The following USP34 variants were observed in gnomAD, a reference collection of about 807,000 sequenced individuals.
USP34 encodes the protein ubiquitin carboxyl-terminal hydrolase 34.
In USP34, 70 loss-of-function variants were observed where a neutral mutation model predicts 460.3. The ratio of observed to expected loss-of-function variants is 0.15; its 90% CI spans 0.13 to 0.19. The LOEUF is 0.19. Among genes scored for constraint, USP34 ranks in the 10% least tolerant of loss-of-function variants. The pLI, the probability that USP34 is intolerant of heterozygous loss-of-function variation, is 1.00. For missense variants in USP34, 3,985 were observed against 4,236.2 expected (o/e 0.94, Z 1.65); for synonymous variants, 1,647 against 1,405.3 (o/e 1.17, Z -3.85).
At chr2:61,232,209 A>C (rs1487750556) in intron 58 of USP34, among the ~76,000 whole-genome samples, 1 of 152,186 alleles carries the variant, frequency 6.6e-6, no homozygotes, top group Non-Finnish European at 1.5e-5. Flanking sequence ...AAAGAACAGG[A>C]AATTACAGTC....
chr2:61,450,484 T>C (rs1695238924), intron 1 of USP34, among the ~76,000 whole-genome samples: 8 of 152,074 alleles, frequency 5.3e-5, no homozygotes, highest in Admixed American at 3.9e-4. Flanking sequence ...ACCAACCCAA[T>C]AGTTCACTAT....
chr2:61,470,340 C>T (rs978465515), intron 1 of USP34, among the ~76,000 whole-genome samples: 3 of 152,108 alleles, frequency 2.0e-5, no homozygotes, highest in Non-Finnish European at 2.9e-5. Context: ...GCGAAGGCGG[C>T]GAGGGGTTCA....
At chr2:61,208,162 C>T (rs933508647) in intron 70 of USP34, 29 of 152,208 alleles carry the variant, frequency 1.9e-4, no homozygotes, top group African/African-American at 6.8e-4. Flanking sequence ...ATCGGCCTCT[C>T]ATACTATTCA....
rs182982576 is a variant in USP34, at chr2:61,314,861, T to C, written c.3382+14A>G. Reference sequence around the variant, plus strand: ...ATAGAAATTACCTATCAGACAATGTTTCAAATCACTTACCATTAATATAAT... The same window carrying C: ...ATAGAAATTACCTATCAGACAATGTCTCAAATCACTTACCATTAATATAAT... On this transcript the variant is annotated intron_variant, in intron 24 of 79. Coordinates refer to ENST00000398571, the MANE Select transcript of USP34 (RefSeq NM_014709.4). The C allele has an allele frequency of 3.5e-5, 56 of 1,601,724 alleles. No homozygotes were observed. Among genetic ancestry groups the C allele is most frequent in the Non-Finnish European group, 4.8e-5 (56 of 1,176,810 alleles).
intron 62 of USP34, among the ~76,000 whole-genome samples, chr2:61,224,128 A>G (rs1687666095): frequency 6.6e-6 from 1 of 152,238 alleles, no homozygotes; most frequent in Admixed American, 6.5e-5. Context: ...AAGTTTCTAA[A>G]AAGATTTTTA....
chr2:61,395,028 T>C, intron 4 of USP34, 26 bp from the exon 5 acceptor site: 2 of 1,559,444 alleles, frequency 1.3e-6, no homozygotes, highest in Non-Finnish European at 8.6e-7. Flanking sequence ...AAACATGTCA[T>C]TATTTGAAAA....
intron 29 of USP34, among the ~76,000 whole-genome samples, chr2:61,297,480 A>G (rs1238925366): frequency 6.6e-6 from 1 of 152,252 alleles, no homozygotes; most frequent in Admixed American, 6.5e-5. Context: ...CTAAGGCAAG[A>G]GTAAGCTAAA....
chr2:61,313,656 T>A (rs1422636472), intron 25 of USP34, among the ~76,000 whole-genome samples: 1 of 152,158 alleles, frequency 6.6e-6, no homozygotes, highest in Admixed American at 6.5e-5. Context: ...GTAAGAAGTT[T>A]CTGTGTAAAA....
Position 61,296,884 on chromosome 2 carries a change from C to G in USP34, c.4170G>C (p.Leu1390=), listed in dbSNP as rs1690045273. 1.2e-6 allele frequency: 2 copies of G among 1,613,804 alleles called. No individual in the cohort carries two copies. Among genetic ancestry groups the G allele is most frequent in the Non-Finnish European group, 1.7e-6 (2 of 1,179,916 alleles). Reference sequence around the variant, plus strand: ...TCAGTAGCTCCCAGACCCGCCTAGACAGATTTTCTGCATGAAGATGAAGTT... The same window carrying G: ...TCAGTAGCTCCCAGACCCGCCTAGAGAGATTTTCTGCATGAAGATGAAGTT... ...CEELHLHAEN[L]SRRVWELLML... Residue 1390 remains leucine, a synonymous_variant, in exon 30 of 80, where the codon CTG becomes CTC. Coordinates refer to ENST00000398571, the MANE Select transcript of USP34 (RefSeq NM_014709.4).
chr2:61,371,875 T>C (rs1020361189), intron 8 of USP34, among the ~76,000 whole-genome samples: 1 of 152,166 alleles, frequency 6.6e-6, no homozygotes, highest in Non-Finnish European at 1.5e-5. Flanking sequence ...TACACAAATA[T>C]TTACAAAGTG....
rs750634035 is a variant in USP34, at chr2:61,344,033, C to T, written c.2286-4G>A. 8 of 1,611,532 alleles carry T rather than the reference C, an allele frequency of 5.0e-6. No individual in the cohort carries two copies. The African/African-American group carries it at 9.4e-5, about 19-fold the overall frequency. ...TAGCATATCATCAACCATATGCCTA[C>T]AAAACAGAGAAAAGCACAAAGTTAG... is the stretch of plus-strand genomic sequence containing the variant. On this transcript the variant is annotated splice_region_variant and splice_polypyrimidine_tract_variant and intron_variant, in intron 15 of 79. Transcript: ENST00000398571.
At position 61,344,009 on chromosome 2, in the gene USP34, A is replaced by G; in HGVS notation, c.2306T>C (p.Leu769Pro). The G allele has an allele frequency of 6.2e-7, 1 of 1,613,858 alleles. No individual in the cohort carries two copies. The highest frequency in any genetic ancestry group is 8.5e-7 in the Non-Finnish European group (1 of 1,179,872). ...ACTACAACTGACATCATCTGCACTT[A>G]GCATATCATCAACCATATGCCTACA... ...HHDGHMVDDM[L>P]SADDVSCSSS... Residue 769 changes from leucine to proline, a missense_variant, in exon 16 of 80, where the codon CTA becomes CCA. Physicochemically the swap from Leu to Pro is moderately conservative, Grantham distance 98. Around this residue, in one of 14 missense-constraint regions of USP34, gnomAD observed 716 missense variants for 626.2 expected, o/e 1.14. Transcript: ENST00000398571.
At chr2:61,198,891 G>A (rs1011713120) in intron 75 of USP34, among the ~76,000 whole-genome samples, 10 of 152,072 alleles carry the variant, frequency 6.6e-5, no homozygotes, top group African/African-American at 2.4e-4. Context: ...TTATTAGTAA[G>A]TCTGGGCAAC....
chr2:61,319,780 G>A (rs1432946039), intron 21 of USP34, among the ~76,000 whole-genome samples: 1 of 152,132 alleles, frequency 6.6e-6, no homozygotes, highest in Admixed American at 6.6e-5. Context: ...GGGAGGTGAA[G>A]GTTGCAGTGA....
Position 61,470,861 on chromosome 2 carries a change from G to A in USP34, c.-169C>T. The stretch of plus-strand genomic sequence containing the variant: ...GGGCGGGGAGCAAGAGAATGGGGGA[G>A]GGGGCCGGCGGTCCCCGCAGCGGGA... On this transcript the variant is annotated 5_prime_UTR_variant, in exon 1 of 80. Transcript: ENST00000398571. The A allele has an allele frequency of 2.5e-6, 1 of 398,006 alleles. No individual in the cohort carries two copies. Among genetic ancestry groups the A allele is most frequent in the Non-Finnish European group, 4.6e-6 (1 of 217,868 alleles). The allele number at this position is 398,006 out of a possible 1,614,324, so 24.7% of individuals were successfully genotyped here.
chr2:61,425,063 C>T (rs181477240), intron 1 of USP34, among the ~76,000 whole-genome samples: 14 of 152,252 alleles, frequency 9.2e-5, no homozygotes, highest in Non-Finnish European at 1.8e-4. Context: ...CATGATCCAC[C>T]TGCCTTGGCC....
chr2:61,458,537 G>A (rs552179962), intron 1 of USP34, among the ~76,000 whole-genome samples: 27 of 145,128 alleles, frequency 1.9e-4, no homozygotes, highest in Admixed American at 2.8e-4. Context: ...CTCCAGCCTG[G>A]GCAACAAGAG....
At chr2:61,296,351 A>G (rs1488778179) in intron 30 of USP34, among the ~76,000 whole-genome samples, 5 of 152,184 alleles carry the variant, frequency 3.3e-5, no homozygotes, top group Admixed American at 2.0e-4. Context: ...TGGTGTCCAT[A>G]TGGAAAAAAA....
rs1381852563 is a variant in USP34, at chr2:61,310,362, G to A, written c.3817+1178C>T. Among the ~76,000 whole-genome samples, 4 of 152,046 alleles carry A rather than the reference G, an allele frequency of 2.6e-5. No individual in the cohort carries two copies. In the East Asian group the frequency reaches 7.7e-4, roughly 29 times the overall value. ...CTAAATGTCCATTAATAGAGAACAA[G>A]AAAAATGAATCAAGTTATTACTATA... On this transcript the variant is annotated intron_variant, in intron 27 of 79. Coordinates refer to ENST00000398571, the MANE Select transcript of USP34 (RefSeq NM_014709.4).
Sources: allele counts gnomAD v4.1 joint callset (sites outside exome capture counted in the v4.1 genomes callset), GRCh38; gene constraint gnomAD v4.1.1; regional missense constraint gnomAD v4.1.1; transcripts MANE v1.5; gene names NCBI Gene and HGNC (gene_info 2026-07-23, HGNC 2026-07-21).